Variants in USP48 observed in about 807,000 individuals in gnomAD.
USP48 encodes the protein ubiquitin carboxyl-terminal hydrolase 48.
USP48 carries 43 observed loss-of-function variants against 150.7 expected under a neutral mutation model. The ratio of observed to expected loss-of-function variants is 0.29; its 90% confidence interval spans 0.22 to 0.37. USP48 has a LOEUF of 0.37. USP48 is among the 10% of genes least tolerant of loss of function. USP48 has a pLI of 1.00. For missense variants in USP48, 813 were observed against 1,249.6 expected (o/e 0.65, Z 5.27); for synonymous variants, 396 against 425.9 (o/e 0.93, Z 0.86).
At chr1:21,687,444 G>C (rs932862365) in intron 24 of USP48, among the ~76,000 whole-genome samples, 2 of 152,240 alleles carry the variant, frequency 1.3e-5, no homozygotes, top group Non-Finnish European at 2.9e-5. Flanking sequence ...CACTGCAGAA[G>C]TGGTATACTG....
At chr1:21,733,179 G>C (rs2097761016) in intron 9 of USP48, among the ~76,000 whole-genome samples, 1 of 152,130 alleles carries the variant, frequency 6.6e-6, no homozygotes, top group South Asian at 2.1e-4. Context: ...ACTTTGGGAG[G>C]CCGAGGCAGG....
chr1:21,684,530 G>A (rs944209426), intron 25 of USP48, among the ~76,000 whole-genome samples: 12 of 152,136 alleles, frequency 7.9e-5, no homozygotes, highest in Admixed American at 1.3e-4. Context: ...TTCCTTTGCT[G>A]TGCAGAAGCT....
intron 15 of USP48, among the ~76,000 whole-genome samples, chr1:21,712,323 C>T (rs902621216): frequency 6.6e-6 from 1 of 152,094 alleles, no homozygotes; most frequent in Non-Finnish European, 1.5e-5. Flanking sequence ...TGCACCATTG[C>T]GCTCCAGCCT....
chr1:21,724,077 G>A lies in USP48; in HGVS notation c.1469C>T (p.Ser490Phe). 6.2e-7 allele frequency: 1 copy of A among 1,614,150 alleles called. No individual in the cohort carries two copies. ...CAACCACTTTTGCAGCCATTCCAGA[G>A]AGACAAACTCATAGGGCTCTGAGAA... ...PAGAEPYEFV[S>F]LEWLQKWLDE... The change falls in exon 12 of 27, where the codon TCT (serine) becomes TTT (phenylalanine). Residue 490 changes from serine (S) to phenylalanine (F), a missense_variant. By Grantham distance (155) the Ser-to-Phe change is radical. Transcript: ENST00000308271.
At chr1:21,773,236 C>G (rs1356903396) in intron 1 of USP48, among the ~76,000 whole-genome samples, 1 of 125,950 alleles carries the variant, frequency 7.9e-6, no homozygotes, top group African/African-American at 3.2e-5. Context: ...GCCTGGGCAA[C>G]AGACTGAGAC....
intron 1 of USP48, among the ~76,000 whole-genome samples, chr1:21,762,966 G>C (rs905275991): frequency 2.0e-5 from 3 of 151,746 alleles, no homozygotes; most frequent in Non-Finnish European, 4.4e-5. Flanking sequence ...AGTTCCACTG[G>C]ATCTGTTTAG....
At chr1:21,747,914 A>AT (rs1374771311) in intron 7 of USP48, among the ~76,000 whole-genome samples, 1 of 152,152 alleles carries the variant, frequency 6.6e-6, no homozygotes, top group Non-Finnish European at 1.5e-5. Flanking sequence ...AAAAGTAAGG[A>AT]TTTTTTACTT....
intron 11 of USP48, chr1:21,728,024 T>C (rs1313025534): frequency 1.0e-6 from 1 of 985,350 alleles, no homozygotes; most frequent in Admixed American, 6.1e-5. Flanking sequence ...CAGGTAAACC[T>C]GAATAAACAT....
intron 15 of USP48, among the ~76,000 whole-genome samples, chr1:21,714,625 C>A (rs1191425563): frequency 6.6e-6 from 1 of 152,164 alleles, no homozygotes; most frequent in Non-Finnish European, 1.5e-5. Flanking sequence ...AAACAGACAC[C>A]TGCTTGACTT....
In USP48 at chr1:21,698,444, C is replaced by G. The variant is rs569089075; in HGVS notation, c.2727+3054G>C. ...CAACTAAGGAGAGTGATTCCACATA[C>G]ACTTTGAAAAAATTGCTGTGGTCAT... On this transcript the variant is annotated intron_variant, in intron 22 of 26. Coordinates refer to ENST00000308271, the MANE Select transcript of USP48 (RefSeq NM_032236.8). Among the ~76,000 whole-genome samples, 137 of 152,198 alleles carry G rather than the reference C, an allele frequency of 9.0e-4. 2 individuals carry two copies. Among genetic ancestry groups the G allele is most frequent in the East Asian group, 5.8e-4 (3 of 5,190 alleles).
chr1:21,727,797 A>C, intron 11 of USP48: 1 of 888,420 alleles, frequency 1.1e-6, no homozygotes, highest in South Asian at 5.2e-5. Context: ...TTTTGCTTAA[A>C]GTTATACTAG....
intron 22 of USP48, 144 bp from the exon 23 acceptor site, chr1:21,695,365 TAAC>T (rs2097624499): frequency 1.2e-6 from 1 of 865,292 alleles, no homozygotes; most frequent in African/African-American, 1.7e-5. Context: ...GAGTAGAAAC[TAAC>T]GAGACTTTCT....
chr1:21,753,113 T>G lies in USP48; in HGVS notation c.419A>C (p.Glu140Ala). 1 of 1,596,606 alleles carries G rather than the reference T, an allele frequency of 6.3e-7. No individual in the cohort carries two copies. The highest frequency in any genetic ancestry group is 1.4e-5 in the African/African-American group (1 of 73,800). ...GDGIQEEKDY[E>A]PQTICEHLQY... ...GAGATGCTCACAAATTGTTTGAGGC[T>G]CATAATCTATTAAAACAAAAATATA... The change falls in exon 4 of 27, where the codon GAG becomes GCG. Residue 140 changes from glutamate to alanine, a missense_variant. By Grantham distance (107) the Glu-to-Ala change is moderately radical. Transcript: ENST00000308271.
At chr1:21,725,753 CAAA>C (rs11384428) in intron 11 of USP48, among the ~76,000 whole-genome samples, 1 of 146,258 alleles carries the variant, frequency 6.8e-6, no homozygotes, top group African/African-American at 2.5e-5. Context: ...AATTCCATCT[CAAA>C]AAAAAAAAAG....
chr1:21,681,036 T>C, intron 25 of USP48: 1 of 480,490 alleles, frequency 2.1e-6, no homozygotes. Context: ...TACGTATGCA[T>C]CATTTAAAAA....
chr1:21,752,669 T>C lies in USP48; in HGVS notation c.541-18A>G, dbSNP rs772320281. 2.0e-5 allele frequency: 32 copies of C among 1,575,076 alleles called. No homozygotes were observed. Among genetic ancestry groups the C allele is most frequent in the Non-Finnish European group, 2.7e-5 (31 of 1,167,200 alleles). On this transcript the variant is annotated intron_variant, in intron 4 of 26. Coordinates refer to ENST00000308271, the MANE Select transcript of USP48 (RefSeq NM_032236.8). ...TGAGCATCCTACAAGTTTAGGTTAA[T>C]GAAAAGAAAAATCATATCTTGCTTT...
intron 15 of USP48, among the ~76,000 whole-genome samples, chr1:21,709,611 G>T: frequency 6.6e-6 from 1 of 150,870 alleles, no homozygotes; most frequent in South Asian, 2.1e-4. Context: ...GAGCTTCTTT[G>T]TGTGTGGTAT....
chr1:21,771,352 C>T (rs886385694), intron 1 of USP48, among the ~76,000 whole-genome samples: 4 of 145,360 alleles, frequency 2.8e-5, no homozygotes, highest in East Asian at 2.0e-4. Flanking sequence ...CTAGCCTGGG[C>T]GACAGAGCAA....
chr1:21,727,121 G>T lies in USP48; in HGVS notation c.1450+1449C>A, dbSNP rs143180371. On this transcript the variant is annotated intron_variant, in intron 11 of 26. Transcript: ENST00000308271. Reference sequence around the variant, plus strand: ...GGGCCAAAAGCACGTTCCTACTGAGGCTTAGATTTTAGGGTAAGTGATCTT... The same window carrying T: ...GGGCCAAAAGCACGTTCCTACTGAGTCTTAGATTTTAGGGTAAGTGATCTT... Among the ~76,000 whole-genome samples the T allele has an allele frequency of 1.7e-3, 259 of 152,202 alleles. 2 individuals carry two copies. The highest frequency in any genetic ancestry group is 5.3e-3 in the African/African-American group (221 of 41,532).
Sources: gnomAD v4.1 joint callset for allele counts (sites outside exome capture counted in the v4.1 genomes callset) on GRCh38, gnomAD v4.1.1 for gene constraint, MANE v1.5 for transcripts, NCBI Gene and HGNC (gene_info 2026-07-23, HGNC 2026-07-21) for gene names.